The following RPS6KA5 variants were observed in gnomAD, a reference collection of about 807,000 sequenced individuals.
RPS6KA5 encodes ribosomal protein S6 kinase alpha-5.
A neutral mutation model predicts 85.5 loss-of-function variants in RPS6KA5; 27 were observed. The observed-to-expected ratio is 0.32, with a 90% CI of 0.23 to 0.44. RPS6KA5 has a LOEUF of 0.44. Among genes scored for constraint, RPS6KA5 ranks in the 20% least tolerant of loss-of-function variants. RPS6KA5 has a pLI of 1.00. For missense variants in RPS6KA5, 811 were observed against 980.9 expected (o/e 0.83, Z 2.31); for synonymous variants, 334 against 348.2 (o/e 0.96, Z 0.46).
chr14:90,890,541 C>T lies in RPS6KA5; in HGVS notation c.1782G>A (p.Leu594=). Residue 594 remains leucine, a synonymous_variant, in exon 14 of 17, where the codon TTG becomes TTA. Coordinates refer to ENST00000614987, the MANE Select transcript of RPS6KA5 (RefSeq NM_004755.4). ...FTLHYAAPEL[L]NQNGYDESCD... ...AGGACTCATCGTAGCCGTTCTGATT[C>T]AAGAGCTCTGGGGCGGCATAATGAA... The T allele has an allele frequency of 6.2e-7, 1 of 1,614,160 alleles. No individual in the cohort carries two copies. Among genetic ancestry groups the T allele is most frequent in the Non-Finnish European group, 8.5e-7 (1 of 1,180,008 alleles).
chr14:91,055,662 A>G (rs984891690), intron 1 of RPS6KA5, among the ~76,000 whole-genome samples: 4 of 152,116 alleles, frequency 2.6e-5, no homozygotes, highest in Non-Finnish European at 5.9e-5. Flanking sequence ...CCGTAGTCCC[A>G]GAGTTACTCA....
At chr14:90,942,164 T>C (rs957943421) in intron 5 of RPS6KA5, among the ~76,000 whole-genome samples, 3 of 152,232 alleles carry the variant, frequency 2.0e-5, no homozygotes, top group Non-Finnish European at 2.9e-5. Flanking sequence ...GATTAAAAAA[T>C]TAGGATCTTT....
At chr14:90,904,344 A>C (rs1039944088) in intron 8 of RPS6KA5, among the ~76,000 whole-genome samples, 14 of 152,220 alleles carry the variant, frequency 9.2e-5, no homozygotes, top group African/African-American at 1.4e-4. Context: ...CAATAGAAAC[A>C]AAATAATTAA....
intron 14 of RPS6KA5, among the ~76,000 whole-genome samples, chr14:90,877,528 T>C (rs576979641): frequency 9.2e-5 from 14 of 152,296 alleles, no homozygotes; most frequent in African/African-American, 3.4e-4. Context: ...GCAACTTAAA[T>C]CTTACAACAT....
intron 1 of RPS6KA5, among the ~76,000 whole-genome samples, chr14:91,054,826 T>G (rs1008885238): frequency 1.3e-5 from 2 of 152,016 alleles, no homozygotes; most frequent in Admixed American, 6.6e-5. Flanking sequence ...TAAAGACTTT[T>G]GTGCTCCTAA....
rs1321468382 is a variant in RPS6KA5 at position 90,856,276 on chromosome 14, A to AG, written c.*15797dup. The AG allele has an allele frequency of 1.3e-5, 2 of 152,036 alleles. No homozygotes were observed. Among genetic ancestry groups the AG allele is most frequent in the African/African-American group, 2.4e-5 (1 of 41,406 alleles). The allele number at this position is 152,036 out of a possible 1,614,324, so 9.4% of individuals were successfully genotyped here. A position where few individuals can be genotyped will look rare whatever the true frequency, so the allele number is the denominator to read the frequency against. On this transcript the variant is annotated 3_prime_UTR_variant, in exon 17 of 17. Coordinates refer to ENST00000614987, the MANE Select transcript of RPS6KA5 (RefSeq NM_004755.4). ...ATGCTTCAGAGTTGATGCCAAAGAA[A>AG]GGGGGGCAGGATGGCATTCTCTGAA... is the stretch of plus-strand genomic sequence containing the variant.
At position 91,039,102 on chromosome 14, in the gene RPS6KA5, G is replaced by A. The variant is rs2042507508; in HGVS notation, c.103+21230C>T. On this transcript the variant is annotated intron_variant, in intron 1 of 16. Coordinates refer to ENST00000614987, the MANE Select transcript of RPS6KA5 (RefSeq NM_004755.4). ...ATCCCCATACCATTCAAGTCCTAGA[G>A]CTATCAATTAACCCAACTCTTCACC... Among the ~76,000 whole-genome samples the A allele has an allele frequency of 3.3e-5, 5 of 152,112 alleles. 1 individual carries two copies. The South Asian group carries it at 1.0e-3, about 31-fold the overall frequency.
At position 90,865,346 on chromosome 14, in the gene RPS6KA5, T is replaced by C. The variant is rs952358972; in HGVS notation, c.*6728A>G. 1.3e-5 allele frequency: 2 copies of C among 152,240 alleles called. No individual in the cohort carries two copies. The highest frequency in any genetic ancestry group is 2.9e-5 in the Non-Finnish European group (2 of 68,042). The allele number at this position is 152,240 out of a possible 1,614,324, so 9.4% of individuals were successfully genotyped here. Reference sequence around the variant, plus strand: ...AACGAAAAAGAACAAACTACTGTTATTGCTACATGCAACAACATAGATGCA... The same window carrying C: ...AACGAAAAAGAACAAACTACTGTTACTGCTACATGCAACAACATAGATGCA... On this transcript the variant is annotated 3_prime_UTR_variant, in exon 17 of 17. Transcript: ENST00000614987.
intron 3 of RPS6KA5, among the ~76,000 whole-genome samples, chr14:90,958,927 C>T (rs1341075272): frequency 1.3e-5 from 2 of 152,020 alleles, no homozygotes; most frequent in Non-Finnish European, 2.9e-5. Flanking sequence ...GTATAGGCCT[C>T]AGCGAGGTGA....
rs78409439 is a variant in RPS6KA5, at chr14:90,870,805, C to CTTTTTTTTTTTTTTTTT, written c.*1252_*1268dup. ...ATATAACACACAAACCCTATCACTT[C>CTTTTTTTTTTTTTTTTT]TTTTTTTTTTTTTTTTTTTTTTGCA... is the stretch of plus-strand genomic sequence containing the variant. On this transcript the variant is annotated 3_prime_UTR_variant, in exon 17 of 17. Transcript: ENST00000614987. 1 of 85,852 alleles carries CTTTTTTTTTTTTTTTTT rather than the reference C, an allele frequency of 1.2e-5. No individual in the cohort carries two copies. Among genetic ancestry groups the CTTTTTTTTTTTTTTTTT allele is most frequent in the Non-Finnish European group, 2.3e-5 (1 of 44,100 alleles). The allele number at this position is 85,852 out of a possible 1,614,324, so 5.3% of individuals were successfully genotyped here. A position where few individuals can be genotyped will look rare whatever the true frequency, so the allele number is the denominator to read the frequency against.
chr14:90,874,051 C>T (rs2033295135), intron 15 of RPS6KA5, among the ~76,000 whole-genome samples: 1 of 152,182 alleles, frequency 6.6e-6, no homozygotes, highest in Non-Finnish European at 1.5e-5. Flanking sequence ...AATAAACATC[C>T]AAAACAAAGA....
chr14:90,909,756 G>A (rs1324831799), intron 7 of RPS6KA5, among the ~76,000 whole-genome samples: 1 of 152,100 alleles, frequency 6.6e-6, no homozygotes, highest in Non-Finnish European at 1.5e-5. Flanking sequence ...ATGACACATT[G>A]TGAAAAATAA....
At chr14:91,042,444 G>C (rs1276753269) in intron 1 of RPS6KA5, among the ~76,000 whole-genome samples, 4 of 152,138 alleles carry the variant, frequency 2.6e-5, no homozygotes, top group African/African-American at 9.7e-5. Flanking sequence ...CTGGGAGGCA[G>C]AGGTTGCAGT....
intron 13 of RPS6KA5, among the ~76,000 whole-genome samples, chr14:90,892,374 C>A (rs1224326046): frequency 6.6e-6 from 1 of 152,168 alleles, no homozygotes; most frequent in African/African-American, 2.4e-5. Context: ...TAATCCATTC[C>A]TCCTATTCCG....
chr14:90,910,092 T>TA (rs200984997), intron 7 of RPS6KA5, among the ~76,000 whole-genome samples: 11,470 of 151,062 alleles, frequency 0.076, 1,184 homozygotes, highest in African/African-American at 0.23. Flanking sequence ...TTGCATTATT[T>TA]AAAAAAAAAT....
chr14:91,033,283 C>T (rs2042265312), intron 1 of RPS6KA5, among the ~76,000 whole-genome samples: 1 of 152,022 alleles, frequency 6.6e-6, no homozygotes, highest in Admixed American at 6.5e-5. Context: ...TAAGATTCAT[C>T]CCTATCAGAT....
At chr14:90,991,021 C>T (rs1026844365) in intron 2 of RPS6KA5, among the ~76,000 whole-genome samples, 31 of 151,834 alleles carry the variant, frequency 2.0e-4, no homozygotes, top group African/African-American at 7.3e-4. Context: ...TACCCCCAAA[C>T]CTAAAATAAA....
chr14:91,024,386 T>G (rs74625471), intron 1 of RPS6KA5, among the ~76,000 whole-genome samples: 1 of 152,076 alleles, frequency 6.6e-6, no homozygotes, highest in Admixed American at 6.5e-5. Context: ...TATATTCCTG[T>G]TTTTTTTCTA....
rs1811875901 is a variant in RPS6KA5 at position 90,862,624 on chromosome 14, T to C, written c.*9450A>G. The C allele has an allele frequency of 6.6e-6, 1 of 152,118 alleles. No individual in the cohort carries two copies. The highest frequency in any genetic ancestry group is 2.1e-4 in the South Asian group (1 of 4,818). The allele number at this position is 152,118 out of a possible 1,614,324, so 9.4% of individuals were successfully genotyped here. On this transcript the variant is annotated 3_prime_UTR_variant, in exon 17 of 17. Transcript: ENST00000614987. ...TTGGTACTACAGGTGTGCACCACCATCCTTGGCTAATTAATCTTTTGTAGA... is the reference window on the plus strand; with the variant it reads ...TTGGTACTACAGGTGTGCACCACCACCCTTGGCTAATTAATCTTTTGTAGA...
Sources: gnomAD v4.1 joint callset for allele counts (sites outside exome capture counted in the v4.1 genomes callset) on GRCh38, gnomAD v4.1.1 for gene constraint, MANE v1.5 for transcripts, NCBI Gene and HGNC (gene_info 2026-07-23, HGNC 2026-07-21) for gene names.